Variants in GPHN observed in about 807,000 individuals in gnomAD.
GPHN encodes gephyrin.
A neutral mutation model predicts 95.5 loss-of-function variants in GPHN; 17 were observed. The observed-to-expected ratio is 0.18, with a 90% CI of 0.12 to 0.27. The LOEUF (loss-of-function observed/expected upper bound fraction) is 0.27, where lower values mean the gene tolerates loss of function less well. GPHN is among the 10% of genes least tolerant of loss of function. The probability of loss-of-function intolerance (pLI) is 1.00; values close to 1 mark genes in which losing one functional copy is unlikely to be tolerated. For synonymous variants in GPHN, 320 were observed against 322.5 expected, an observed-to-expected ratio of 0.99 and a Z score of 0.08; for missense variants, 660 against 978.1, an observed-to-expected ratio of 0.67 and a Z score of 4.34.
At chr14:67,001,945 A>G (rs768982172) in intron 9 of GPHN, among the ~76,000 whole-genome samples, 2 of 151,668 alleles carry the variant, frequency 1.3e-5, no homozygotes, top group African/African-American at 4.8e-5. Flanking sequence ...ACTCCTAAAC[A>G]TGCATTTGGG....
intron 20 of GPHN, among the ~76,000 whole-genome samples, chr14:67,167,251 A>T (rs2082334804): frequency 6.6e-6 from 1 of 152,188 alleles, no homozygotes; most frequent in Admixed American, 6.5e-5. Flanking sequence ...TTTCGTACAT[A>T]GCAAGACCCT....
intron 2 of GPHN, among the ~76,000 whole-genome samples, chr14:66,757,675 C>T (rs2058613891): frequency 6.6e-6 from 1 of 152,212 alleles, no homozygotes; most frequent in Non-Finnish European, 1.5e-5. Context: ...CAGGCGTGAG[C>T]CACCACACCT....
chr14:67,690,473 G>A, the GPHN span: 2 of 1,532,614 alleles, frequency 1.3e-6, no homozygotes, highest in Non-Finnish European at 1.8e-6. Flanking sequence ...AGGAATGACA[G>A]GAGTCGTGGT....
intron 1 of GPHN, among the ~76,000 whole-genome samples, chr14:66,629,268 C>T (rs1216310651): frequency 6.8e-6 from 1 of 147,866 alleles, no homozygotes; most frequent in Non-Finnish European, 1.5e-5. Flanking sequence ...TTCTTATCTT[C>T]AGTCTGTAAG....
chr14:67,579,036 TAC>T, the GPHN span: 1 of 798,158 alleles, frequency 1.3e-6, no homozygotes, highest in Non-Finnish European at 2.0e-6. Flanking sequence ...CTGCCCCAGC[TAC>T]AGTTTTGGTC....
At chr14:67,663,882 C>T in the GPHN span, among the ~76,000 whole-genome samples, 2 of 152,074 alleles carry the variant, frequency 1.3e-5, no homozygotes, top group Non-Finnish European at 2.9e-5. Context: ...TAGATAATTT[C>T]CTTCATTTCT....
chr14:67,636,936 T>C, the GPHN span, among the ~76,000 whole-genome samples: 1 of 152,224 alleles, frequency 6.6e-6, no homozygotes, highest in African/African-American at 2.4e-5. Context: ...TACAGATGAA[T>C]TGACCTGATG....
At chr14:66,997,338 G>A (rs1555460067) in intron 9 of GPHN, among the ~76,000 whole-genome samples, 1 of 146,060 alleles carries the variant, frequency 6.8e-6, no homozygotes, top group Non-Finnish European at 1.5e-5. Context: ...TTGCACTCTA[G>A]CCTGGGCGAT....
the GPHN span, among the ~76,000 whole-genome samples, chr14:67,383,140 C>A: frequency 0.034 from 5,225 of 152,182 alleles, 125 homozygotes; most frequent in Middle Eastern, 0.095. Flanking sequence ...TCATAAGTTT[C>A]ACCTCTTATT....
the GPHN span, among the ~76,000 whole-genome samples, chr14:67,406,102 T>C: frequency 3.8e-4 from 58 of 151,930 alleles, no homozygotes; most frequent in Middle Eastern, 3.4e-3. Context: ...CTACTAAAAA[T>C]TCAAAAATTA....
intron 9 of GPHN, among the ~76,000 whole-genome samples, chr14:66,973,674 G>C (rs776068582): frequency 6.6e-6 from 1 of 152,262 alleles, no homozygotes; most frequent in African/African-American, 2.4e-5. Context: ...CAGGAGAATC[G>C]CTTGAACCCG....
At chr14:67,561,951 C>T in the GPHN span, 26 of 1,610,518 alleles carry the variant, frequency 1.6e-5, no homozygotes, top group Non-Finnish European at 2.0e-5. Flanking sequence ...TCTTTTTGCT[C>T]AGCTTGAGAT....
intron 3 of GPHN, among the ~76,000 whole-genome samples, chr14:66,803,480 T>G (rs1595953664): frequency 1.3e-5 from 2 of 152,206 alleles, no homozygotes; most frequent in African/African-American, 4.8e-5. Flanking sequence ...GAGGCAACAA[T>G]TGGTGGAGCT....
chr14:67,465,443 AGCTTG>A, the GPHN span, among the ~76,000 whole-genome samples: 6 of 128,714 alleles, frequency 4.7e-5, no homozygotes, highest in Non-Finnish European at 9.4e-5. Flanking sequence ...TAAGGTGTCG[AGCTTG>A]ATCCTTAGGG....
At chr14:67,120,259 T>C (rs545941433) in intron 16 of GPHN, among the ~76,000 whole-genome samples, 2 of 152,302 alleles carry the variant, frequency 1.3e-5, no homozygotes, top group East Asian at 3.9e-4. Flanking sequence ...CTTTTGAAAC[T>C]GTAATAAATT....
At chr14:67,056,685 G>A (rs941615539) in intron 10 of GPHN, among the ~76,000 whole-genome samples, 1 of 151,978 alleles carries the variant, frequency 6.6e-6, no homozygotes, top group Admixed American at 6.5e-5. Flanking sequence ...CACACGCCAG[G>A]GCCGTGGGTG....
the GPHN span, among the ~76,000 whole-genome samples, chr14:67,239,698 A>G: frequency 6.6e-6 from 1 of 152,146 alleles, no homozygotes; most frequent in Admixed American, 6.5e-5. Context: ...TCTACTAACA[A>G]TACAAAAATT....
chr14:66,822,987 A>G (rs1390317634), intron 3 of GPHN: 2 of 152,266 alleles, frequency 1.3e-5, no homozygotes, highest in South Asian at 2.1e-4. Flanking sequence ...TGTGGTATCA[A>G]CCGTGGTTTT....
At chr14:67,089,643 A>G (rs1036635498) in intron 12 of GPHN, among the ~76,000 whole-genome samples, 1 of 152,192 alleles carries the variant, frequency 6.6e-6, no homozygotes, top group African/African-American at 2.4e-5. Flanking sequence ...AAAAAAGAGC[A>G]GATTCCCAAC....
Sources: gnomAD v4.1 joint callset for allele counts (sites outside exome capture counted in the v4.1 genomes callset) on GRCh38, gnomAD v4.1.1 for gene constraint, MANE v1.5 for transcripts, NCBI Gene and HGNC (gene_info 2026-07-23, HGNC 2026-07-21) for gene names.